GRM3: variants seen among roughly 807,000 people sequenced by gnomAD.
GRM3 encodes the protein glutamate metabotropic receptor 3, also known as metabotropic glutamate receptor 3.
GRM3 carries 26 observed loss-of-function variants against 70.5 expected under a neutral mutation model. That is an observed-to-expected ratio of 0.37 (90% confidence interval 0.27 to 0.51). GRM3 has a LOEUF of 0.51. Ranked by LOEUF, GRM3 falls within the 20% of genes least tolerant of loss-of-function variation. The pLI is 0.93. For missense variants in GRM3, 859 were observed against 1,123.8 expected (o/e 0.76, Z 3.37); for synonymous variants, 443 against 434.9 (o/e 1.02, Z -0.23).
At chr7:86,825,448 A>C (rs1357882005) in intron 3 of GRM3, among the ~76,000 whole-genome samples, 1 of 152,230 alleles carries the variant, frequency 6.6e-6, no homozygotes, top group Non-Finnish European at 1.5e-5. Context: ...CTGTGGAGAC[A>C]GAAGACTAAG....
chr7:86,754,237 A>C (rs796473537), intron 1 of GRM3, among the ~76,000 whole-genome samples: 3 of 152,264 alleles, frequency 2.0e-5, no homozygotes, highest in African/African-American at 7.2e-5. Flanking sequence ...AGGCCTTGAT[A>C]CTTTACTATC....
intron 2 of GRM3, among the ~76,000 whole-genome samples, chr7:86,778,723 C>T (rs1796961924): frequency 6.6e-6 from 1 of 151,974 alleles, no homozygotes; most frequent in Non-Finnish European, 1.5e-5. Flanking sequence ...AATCAACACA[C>T]AGAAATAGAA....
At chr7:86,664,833 A>T (rs1350866226) in intron 1 of GRM3, among the ~76,000 whole-genome samples, 1 of 151,986 alleles carries the variant, frequency 6.6e-6, no homozygotes, top group Non-Finnish European at 1.5e-5. Context: ...CACACATACC[A>T]TTAATTTCAC....
rs2116545171 is a variant in GRM3, at chr7:86,786,641, G to A, written c.849G>A (p.Glu283=). The change falls in exon 3 of 6, where the codon GAG becomes GAA. Residue 283 remains glutamate, a synonymous_variant. Coordinates refer to ENST00000361669, the MANE Select transcript of GRM3 (RefSeq NM_000840.3). This position sits in a 1 kb window ranked among gnomAD's most constrained non-coding sequence, Gnocchi z 6.0. Reference sequence around the variant, plus strand: ...TCATGCGCAGCGACGACTCGCGGGAGCTCATTGCAGCCGCCAGCCGCGCCA... The same window carrying A: ...TCATGCGCAGCGACGACTCGCGGGAACTCATTGCAGCCGCCAGCCGCGCCA... ...VLFMRSDDSR[E]LIAAASRANA... 1.2e-6 allele frequency: 2 copies of A among 1,612,040 alleles called. No individual in the cohort carries two copies. Among genetic ancestry groups the A allele is most frequent in the African/African-American group, 2.7e-5 (2 of 75,066 alleles).
chr7:86,849,485 A>C (rs564277420), intron 4 of GRM3, among the ~76,000 whole-genome samples: 1 of 152,298 alleles, frequency 6.6e-6, no homozygotes, highest in African/African-American at 2.4e-5. Flanking sequence ...TTCTCCAGTT[A>C]TGTGTTCAGT....
At position 86,786,529 on chromosome 7, in the gene GRM3, A is replaced by T. The variant is rs2116543517; in HGVS notation, c.737A>T (p.Lys246Met). The T allele has an allele frequency of 1.9e-6, 3 of 1,614,104 alleles. No homozygotes were observed. The highest frequency in any genetic ancestry group is 2.5e-6 in the Non-Finnish European group (3 of 1,180,044). ...AACATCTGCATCGCTACGGCGGAGA[A>T]GGTGGGCCGCTCCAACATCCGCAAG... ...LRNICIATAEKVGRSNIRKSY... is the reference protein window; with the variant it reads ...LRNICIATAEMVGRSNIRKSY... The change falls in exon 3 of 6, where the codon AAG becomes ATG. Residue 246 changes from lysine (K) to methionine (M), a missense_variant. Physicochemically the swap from Lys to Met is moderately conservative, Grantham distance 95. Coordinates refer to ENST00000361669, the MANE Select transcript of GRM3 (RefSeq NM_000840.3). The surrounding 1 kb of genome is among the most constrained non-coding windows in gnomAD (Gnocchi z 6.0).
At chr7:86,667,283 G>T (rs1455516433) in intron 1 of GRM3, among the ~76,000 whole-genome samples, 3 of 152,068 alleles carry the variant, frequency 2.0e-5, no homozygotes. Context: ...ATTCAACCAG[G>T]TCCCTAAAGC....
At chr7:86,725,758 C>T (rs534414770) in intron 1 of GRM3, among the ~76,000 whole-genome samples, 104 of 152,214 alleles carry the variant, frequency 6.8e-4, no homozygotes, top group Non-Finnish European at 1.2e-3. Context: ...AAATTTATTT[C>T]TCATGCTTCT....
intron 1 of GRM3, among the ~76,000 whole-genome samples, chr7:86,677,821 T>A (rs1324893837): frequency 2.0e-5 from 3 of 151,886 alleles, no homozygotes; most frequent in Non-Finnish European, 4.4e-5. Context: ...AAATTATAGC[T>A]AATGATCACA....
intron 1 of GRM3, among the ~76,000 whole-genome samples, chr7:86,718,407 G>T (rs929594592): frequency 4.6e-5 from 7 of 151,990 alleles, no homozygotes; most frequent in Admixed American, 1.3e-4. Flanking sequence ...TGTTGTGTGT[G>T]TATGTGTGTG....
At chr7:86,739,737 C>T (rs906031728) in intron 1 of GRM3, among the ~76,000 whole-genome samples, 2 of 152,150 alleles carry the variant, frequency 1.3e-5, no homozygotes, top group Non-Finnish European at 2.9e-5. Context: ...TGTAACAAGC[C>T]AAACTGAATG....
At chr7:86,666,288 T>C (rs1794024189) in intron 1 of GRM3, among the ~76,000 whole-genome samples, 1 of 152,052 alleles carries the variant, frequency 6.6e-6, no homozygotes, top group Admixed American at 6.6e-5. Flanking sequence ...GAAAATAGCT[T>C]ACTTACAGAA....
chr7:86,801,755 T>C (rs1797688244), intron 3 of GRM3, among the ~76,000 whole-genome samples: 1 of 152,126 alleles, frequency 6.6e-6, no homozygotes, highest in South Asian at 2.1e-4. Context: ...AGAGGGACCA[T>C]AGTGAGCAGA....
chr7:86,831,736 C>A (rs1310773910), intron 3 of GRM3, among the ~76,000 whole-genome samples: 1 of 146,554 alleles, frequency 6.8e-6, no homozygotes, highest in Non-Finnish European at 1.5e-5. Context: ...TGAAGACTAA[C>A]CATGGTAACA....
chr7:86,810,461 T>C (rs917661383), intron 3 of GRM3, among the ~76,000 whole-genome samples: 1 of 152,052 alleles, frequency 6.6e-6, no homozygotes, highest in African/African-American at 2.4e-5. Context: ...TTTTATACTT[T>C]CGTTCCACTT....
At chr7:86,790,677 A>G (rs1303399013) in intron 3 of GRM3, among the ~76,000 whole-genome samples, 1 of 151,538 alleles carries the variant, frequency 6.6e-6, no homozygotes, top group Admixed American at 6.6e-5. Context: ...CTTCTTTCTC[A>G]CTTCACTCCA....
At position 86,644,329 on chromosome 7, in the gene GRM3, G is replaced by A; in HGVS notation, c.-684G>A. 4 of 274,034 alleles carry A rather than the reference G, an allele frequency of 1.5e-5. 1 individual carries two copies. Among genetic ancestry groups the A allele is most frequent in the South Asian group, 1.4e-4 (4 of 28,160 alleles). 17.0% of individuals were successfully genotyped at this position (274,034 alleles called of 1,614,324 possible). A position where few individuals can be genotyped will look rare whatever the true frequency, so the allele number is the denominator to read the frequency against. ...GGGTGGGGGAGGGAAAAGAACGAGA[G>A]AGGGAGGAAAGAATGAAAAGGAGAG... On this transcript the variant is annotated 5_prime_UTR_variant, in exon 1 of 6. Transcript: ENST00000361669.
At chr7:86,823,032 T>A (rs180842326) in intron 3 of GRM3, among the ~76,000 whole-genome samples, 2 of 152,178 alleles carry the variant, frequency 1.3e-5, no homozygotes, top group South Asian at 2.1e-4. Flanking sequence ...AATGAAGTGA[T>A]GGGATGCTGG....
chr7:86,734,906 T>A (rs1795820778), intron 1 of GRM3, among the ~76,000 whole-genome samples: 1 of 152,152 alleles, frequency 6.6e-6, no homozygotes, highest in African/African-American at 2.4e-5. Context: ...CTACTACACT[T>A]GATAGAAAAT....
Sources: allele counts gnomAD v4.1 joint callset (sites outside exome capture counted in the v4.1 genomes callset), GRCh38; gene constraint gnomAD v4.1.1; non-coding constraint Gnocchi (gnomAD v3.1); transcripts MANE v1.5; gene names NCBI Gene and HGNC (gene_info 2026-07-23, HGNC 2026-07-21).